The following ADRA1A variants were observed in gnomAD, a reference collection of about 807,000 sequenced individuals.
ADRA1A encodes the protein adrenoceptor alpha 1A.
In ADRA1A, 31 loss-of-function variants were observed where a neutral mutation model predicts 29.6. The observed-to-expected ratio is 1.05, with a 90% CI of 0.79 to 1.41. The LOEUF is 1.41. ADRA1A is among the 40% of genes most tolerant of loss of function. The pLI is 0.00. For missense variants in ADRA1A, 619 were observed against 601.1 expected (o/e 1.03, Z -0.31); for synonymous variants, 311 against 254.3 (o/e 1.22, Z -2.12).
chr8:26,762,777 C>T (rs955878570), downstream of ADRA1A, among the ~76,000 whole-genome samples: 1 of 152,288 alleles, frequency 6.6e-6, no homozygotes, highest in South Asian at 2.1e-4. The surrounding 1 kb of genome is among the most constrained non-coding windows in gnomAD (Gnocchi z 4.0). Context: ...CATCCACGCC[C>T]CATCTCAGAG....
chr8:26,820,493 T>C (rs1810084055), intron 2 of ADRA1A, among the ~76,000 whole-genome samples: 1 of 152,218 alleles, frequency 6.6e-6, no homozygotes, highest in Non-Finnish European at 1.5e-5. Flanking sequence ...TAAACATCAT[T>C]GATCACCACA....
At chr8:26,783,769 G>GT (rs1258383651) in intron 2 of ADRA1A, among the ~76,000 whole-genome samples, 5 of 152,086 alleles carry the variant, frequency 3.3e-5, no homozygotes, top group African/African-American at 1.2e-4. Flanking sequence ...TCAAAGACAT[G>GT]GAATCAACCC....
chr8:26,867,226 C>G lies in ADRA1A; in HGVS notation c.-977G>C, dbSNP rs931243271. On this transcript the variant is annotated 5_prime_UTR_variant, in exon 1 of 3. Coordinates refer to ENST00000380573, the MANE Select transcript of ADRA1A (RefSeq NM_000680.4). ...AATCACCCTTTTAATATTCAGCTCC[C>G]CGACACCAGAAAAGAATAGCAAGGA... 2.0e-6 allele frequency: 2 copies of G among 985,294 alleles called. No homozygotes were observed. The highest frequency in any genetic ancestry group is 3.5e-5 in the African/African-American group (2 of 57,224). 61.0% of individuals were successfully genotyped at this position (985,294 alleles called of 1,614,324 possible). A position where few individuals can be genotyped will look rare whatever the true frequency, so the allele number is the denominator to read the frequency against.
At chr8:26,779,807 G>C (rs1167752756) in intron 2 of ADRA1A, among the ~76,000 whole-genome samples, 1 of 152,178 alleles carries the variant, frequency 6.6e-6, no homozygotes, top group Non-Finnish European at 1.5e-5. Context: ...TTGGAGCACA[G>C]CACGGTTTGG....
rs546980954 is a variant in ADRA1A at position 26,849,039 on chromosome 8, T to C, written c.883+15048A>G. ...TGAACTCTCAGGTCCTCTTTCTAAA[T>C]TCTCAATCTATCTAAAAGAATACAC... On this transcript the variant is annotated intron_variant, in intron 2 of 2. Coordinates refer to ENST00000380573, the MANE Select transcript of ADRA1A (RefSeq NM_000680.4). Among the ~76,000 whole-genome samples the C allele has an allele frequency of 9.2e-5, 14 of 152,294 alleles. No homozygotes were observed. In the South Asian group the frequency reaches 2.9e-3, roughly 32 times the overall value.
At chr8:26,782,260 C>T (rs934959795) in intron 2 of ADRA1A, among the ~76,000 whole-genome samples, 2 of 152,176 alleles carry the variant, frequency 1.3e-5, no homozygotes, top group Non-Finnish European at 2.9e-5. Flanking sequence ...ACTAGAACAC[C>T]TGACCAGGGC....
intron 2 of ADRA1A, among the ~76,000 whole-genome samples, chr8:26,772,626 C>A (rs1806256251): frequency 6.6e-6 from 1 of 152,144 alleles, no homozygotes; most frequent in African/African-American, 2.4e-5. Context: ...GATTTTATGT[C>A]TTTCTTTTCC....
rs532619566 is a variant in ADRA1A at position 26,775,039 on chromosome 8, G to C, written c.884-4373C>G. Among the ~76,000 whole-genome samples the C allele has an allele frequency of 1.3e-5, 2 of 150,556 alleles. No individual in the cohort carries two copies. Among genetic ancestry groups the C allele is most frequent in the Non-Finnish European group, 2.9e-5 (2 of 67,904 alleles). On this transcript the variant is annotated intron_variant, in intron 2 of 2. Transcript: ENST00000380573. The surrounding 1 kb of genome is among the most constrained non-coding windows in gnomAD (Gnocchi z 4.1). ...GGCTGAACCAGCCTGGTTCAGGGGT[G>C]GGTGCCTCTGACCCAGTCACTCTGT...
At chr8:26,849,167 C>G (rs1812432020) in intron 2 of ADRA1A, among the ~76,000 whole-genome samples, 1 of 152,174 alleles carries the variant, frequency 6.6e-6, no homozygotes, top group South Asian at 2.1e-4. Context: ...TTGGTTAGGA[C>G]CAGCCTGAAT....
intron 2 of ADRA1A, among the ~76,000 whole-genome samples, chr8:26,828,797 A>G (rs1193465203): frequency 2.0e-5 from 3 of 152,100 alleles, no homozygotes; most frequent in African/African-American, 7.2e-5. Context: ...TGAACACTGA[A>G]AACAATCATC....
intron 2 of ADRA1A, among the ~76,000 whole-genome samples, chr8:26,847,977 G>A (rs777873206): frequency 3.0e-4 from 45 of 152,204 alleles, no homozygotes; most frequent in Non-Finnish European, 5.7e-4. Context: ...TGCACAAAGA[G>A]TTCTGAAGCT....
intron 2 of ADRA1A, among the ~76,000 whole-genome samples, chr8:26,829,420 A>G (rs1810814088): frequency 6.6e-6 from 1 of 152,182 alleles, no homozygotes; most frequent in African/African-American, 2.4e-5. Context: ...TGCTCCTTAA[A>G]GCAAAGATAT....
intron 2 of ADRA1A, among the ~76,000 whole-genome samples, chr8:26,836,503 G>C (rs1247653807): frequency 6.6e-6 from 1 of 152,186 alleles, no homozygotes; most frequent in Non-Finnish European, 1.5e-5. Context: ...TTCTTACACA[G>C]CAGCGCTGCA....
In ADRA1A at chr8:26,787,801, C is replaced by A. The variant is rs1326395252; in HGVS notation, c.884-17135G>T. ...CGTAAGTTCAGTGTCTGGCTGTAAG[C>A]ATTTGCTCATTTGCTATCCCAGAGC... is the stretch of plus-strand genomic sequence containing the variant. On this transcript the variant is annotated intron_variant, in intron 2 of 2. Transcript: ENST00000380573. This position sits in a 1 kb window ranked among gnomAD's most constrained non-coding sequence, Gnocchi z 4.2. Among the ~76,000 whole-genome samples the A allele has an allele frequency of 1.3e-5, 2 of 152,074 alleles. No homozygotes were observed. Among genetic ancestry groups the A allele is most frequent in the Non-Finnish European group, 2.9e-5 (2 of 68,024 alleles).
chr8:26,823,246 C>G lies in ADRA1A; in HGVS notation c.883+40841G>C, dbSNP rs189414590. On this transcript the variant is annotated intron_variant, in intron 2 of 2. Coordinates refer to ENST00000380573, the MANE Select transcript of ADRA1A (RefSeq NM_000680.4). The surrounding 1 kb of genome is among the most constrained non-coding windows in gnomAD (Gnocchi z 4.2). ...AGTGTGCTCTTGTCTGTGACACATG[C>G]TTCTTTGGCCACATGGTATAGTGTC... Among the ~76,000 whole-genome samples, 1 of 152,002 alleles carries G rather than the reference C, an allele frequency of 6.6e-6. No homozygotes were observed. The highest frequency in any genetic ancestry group is 2.1e-4 in the South Asian group (1 of 4,822).
intron 2 of ADRA1A, among the ~76,000 whole-genome samples, chr8:26,783,872 C>T (rs147815744): frequency 1.3e-5 from 2 of 152,176 alleles, no homozygotes; most frequent in African/African-American, 4.8e-5. Flanking sequence ...AGATCATGTC[C>T]TTTGCAGGGA....
chr8:26,857,117 G>A (rs965884741), intron 2 of ADRA1A, among the ~76,000 whole-genome samples: 3 of 152,146 alleles, frequency 2.0e-5, no homozygotes, highest in African/African-American at 7.2e-5. Flanking sequence ...GACCAGGTGT[G>A]AGCCTAGCTC....
At chr8:26,835,703 A>G (rs1238299761) in intron 2 of ADRA1A, 1 of 152,222 alleles carries the variant, frequency 6.6e-6, no homozygotes, top group Non-Finnish European at 1.5e-5. Flanking sequence ...GGGTGGGGAT[A>G]TACTCAAACT....
intron 2 of ADRA1A, among the ~76,000 whole-genome samples, chr8:26,773,625 GA>G (rs370696696): frequency 1.3e-4 from 20 of 150,474 alleles, no homozygotes; most frequent in Non-Finnish European, 1.9e-4. Context: ...TTTTAAAAAA[GA>G]AAAAAAAATA....
Sources: allele counts gnomAD v4.1 joint callset (sites outside exome capture counted in the v4.1 genomes callset), GRCh38; gene constraint gnomAD v4.1.1; non-coding constraint Gnocchi (gnomAD v3.1); transcripts MANE v1.5; gene names NCBI Gene and HGNC (gene_info 2026-07-23, HGNC 2026-07-21).